The following SLC9C1 variants were observed in gnomAD, a reference collection of about 807,000 sequenced individuals.
The protein encoded by SLC9C1 is sodium/hydrogen exchanger 10.
SLC9C1 carries 97 observed loss-of-function variants against 140.9 expected under a neutral mutation model. The observed-to-expected ratio is 0.69, with a 90% CI of 0.58 to 0.82. The LOEUF is 0.82. Among genes scored for constraint, SLC9C1 ranks in the 40% least tolerant of loss-of-function variants. SLC9C1 has a pLI of 0.00. For missense variants in SLC9C1, 1,340 were observed against 1,389.3 expected (o/e 0.96, Z 0.56); for synonymous variants, 440 against 442.6 (o/e 0.99, Z 0.07).
chr3:112,208,511 C>T (rs898619837), intron 15 of SLC9C1, 138 bp from the exon 16 acceptor site: 26 of 479,518 alleles, frequency 5.4e-5, no homozygotes, highest in Non-Finnish European at 8.5e-5. Context: ...CTAGCTAACA[C>T]GTTCTGGCAT....
chr3:112,145,534 CT>C (rs1383916159), intron 28 of SLC9C1, among the ~76,000 whole-genome samples: 1 of 145,340 alleles, frequency 6.9e-6, no homozygotes, highest in African/African-American at 2.6e-5. Context: ...AGAATTAGTA[CT>C]AGCTCTTCTT....
At chr3:112,253,724 A>G (rs1282515819) in intron 10 of SLC9C1, among the ~76,000 whole-genome samples, 1 of 152,208 alleles carries the variant, frequency 6.6e-6, no homozygotes, top group Non-Finnish European at 1.5e-5. Flanking sequence ...AGAGTGTCTT[A>G]TATCCTCCAA....
At chr3:112,249,338 T>C (rs978715503) in intron 10 of SLC9C1, among the ~76,000 whole-genome samples, 1 of 151,622 alleles carries the variant, frequency 6.6e-6, no homozygotes, top group East Asian at 1.9e-4. Context: ...GATTTGTTGC[T>C]GGATTGGGTA....
intron 15 of SLC9C1, among the ~76,000 whole-genome samples, chr3:112,213,081 C>T (rs572063977): frequency 6.6e-6 from 1 of 152,278 alleles, no homozygotes; most frequent in South Asian, 2.1e-4. Context: ...AATTTTCAAC[C>T]CAGGATTTCA....
At chr3:112,189,288 T>A (rs906669875) in intron 20 of SLC9C1, among the ~76,000 whole-genome samples, 43 of 152,314 alleles carry the variant, frequency 2.8e-4, no homozygotes, top group Admixed American at 2.4e-3. Flanking sequence ...GGTGTTTTAG[T>A]CATGAAGTCC....
intron 13 of SLC9C1, among the ~76,000 whole-genome samples, chr3:112,226,690 C>A (rs191108688): frequency 1.3e-5 from 2 of 150,272 alleles, no homozygotes; most frequent in Non-Finnish European, 1.5e-5. Context: ...CCACTGCAAT[C>A]CAGCCTGGGC....
chr3:112,173,598 C>CAAA (rs2077285070), intron 23 of SLC9C1, among the ~76,000 whole-genome samples: 1 of 152,176 alleles, frequency 6.6e-6, no homozygotes, highest in South Asian at 2.1e-4. Context: ...TATGTTGCTG[C>CAAA]AAAGGACATG....
chr3:112,240,941 A>T (rs1237796024), intron 11 of SLC9C1, among the ~76,000 whole-genome samples: 1 of 151,898 alleles, frequency 6.6e-6, no homozygotes, highest in Non-Finnish European at 1.5e-5. Context: ...TAACTCATGG[A>T]CATAGAGGGT....
At chr3:112,257,894 A>G (rs916412936) in intron 10 of SLC9C1, among the ~76,000 whole-genome samples, 3 of 152,236 alleles carry the variant, frequency 2.0e-5, no homozygotes, top group Non-Finnish European at 2.9e-5. Flanking sequence ...ACATGAGCAG[A>G]CAGTTTTCAA....
rs564398278 is a variant in SLC9C1, at chr3:112,197,552, T to C, written c.2523+1769A>G. On this transcript the variant is annotated intron_variant, in intron 20 of 28. Coordinates refer to ENST00000305815, the MANE Select transcript of SLC9C1 (RefSeq NM_183061.3). The stretch of plus-strand genomic sequence containing the variant: ...GAGTAGCTATTACTGTGCTAAGAGA[T>C]AAACATGACAGAAATTAACCAAAAT... Among the ~76,000 whole-genome samples, 19 of 152,262 alleles carry C rather than the reference T, an allele frequency of 1.2e-4. No individual in the cohort carries two copies. In the South Asian group the frequency reaches 3.9e-3, roughly 32 times the overall value.
intron 20 of SLC9C1, among the ~76,000 whole-genome samples, chr3:112,188,979 G>T (rs879533556): frequency 6.6e-6 from 1 of 152,220 alleles, no homozygotes; most frequent in Non-Finnish European, 1.5e-5. Context: ...TTTCTCTGAT[G>T]ACTAGTGATG....
At chr3:112,224,970 T>A (rs2078644723) in intron 13 of SLC9C1, among the ~76,000 whole-genome samples, 1 of 151,980 alleles carries the variant, frequency 6.6e-6, no homozygotes, top group Non-Finnish European at 1.5e-5. Context: ...AAAACATATT[T>A]AATAAAGTAA....
intron 28 of SLC9C1, among the ~76,000 whole-genome samples, chr3:112,150,950 G>A (rs1487890753): frequency 6.6e-6 from 1 of 150,410 alleles, no homozygotes; most frequent in Non-Finnish European, 1.5e-5. Context: ...CGATTCTCCT[G>A]CCTCAGCCCC....
At chr3:112,151,392 C>T (rs778000921) in intron 28 of SLC9C1, 2 of 519,012 alleles carry the variant, frequency 3.9e-6, no homozygotes, top group East Asian at 1.1e-4. Context: ...TCACAGCCAG[C>T]CATTTCTCTC....
At chr3:112,253,659 C>A (rs570938730) in intron 10 of SLC9C1, among the ~76,000 whole-genome samples, 3 of 152,156 alleles carry the variant, frequency 2.0e-5, no homozygotes, top group Non-Finnish European at 4.4e-5. Flanking sequence ...AAAGGGACAC[C>A]CAAACACAGA....
In SLC9C1 at chr3:112,161,220, T is replaced by A. The variant is rs1304170712; in HGVS notation, c.3364+6001A>T. On this transcript the variant is annotated intron_variant, in intron 26 of 28. Coordinates refer to ENST00000305815, the MANE Select transcript of SLC9C1 (RefSeq NM_183061.3). ...GAAAATTTTCTCCCATTTTGTAGGT[T>A]GCCTGTTCACTCTGATGGTAGTTTC... Among the ~76,000 whole-genome samples, 20 of 152,170 alleles carry A rather than the reference T, an allele frequency of 1.3e-4. No homozygotes were observed. In the East Asian group the frequency reaches 3.8e-3, roughly 29 times the overall value.
At chr3:112,204,660 C>CA (rs1430195623) in intron 16 of SLC9C1, among the ~76,000 whole-genome samples, 1 of 151,854 alleles carries the variant, frequency 6.6e-6, no homozygotes, top group Non-Finnish European at 1.5e-5. Context: ...ATAATGACAC[C>CA]AGTAAAAAGT....
intron 8 of SLC9C1, 64 bp from the exon 9 acceptor site, chr3:112,264,407 G>A: frequency 1.0e-6 from 1 of 982,246 alleles, no homozygotes; most frequent in Non-Finnish European, 1.4e-6. Context: ...TTATTACAAG[G>A]TTTATCTATG....
intron 20 of SLC9C1, among the ~76,000 whole-genome samples, chr3:112,191,745 T>C (rs1002003148): frequency 6.6e-6 from 1 of 152,172 alleles, no homozygotes; most frequent in African/African-American, 2.4e-5. Context: ...TGGAGGAGTT[T>C]GGCAATGTTA....
Sources: gnomAD v4.1 joint callset for allele counts (sites outside exome capture counted in the v4.1 genomes callset) on GRCh38, gnomAD v4.1.1 for gene constraint, MANE v1.5 for transcripts, NCBI Gene and HGNC (gene_info 2026-07-23, HGNC 2026-07-21) for gene names.